The following PXDNL variants were observed in gnomAD, a reference collection of about 807,000 sequenced individuals.
The protein encoded by PXDNL is peroxidasin like.
Under a neutral mutation model 150.8 loss-of-function variants are expected in PXDNL, and 145 were observed. The ratio of observed to expected loss-of-function variants is 0.96; its 90% CI spans 0.84 to 1.10. The LOEUF is 1.10. Among genes scored for constraint, PXDNL ranks in the 50% least tolerant of loss-of-function variants. The pLI is 0.00. For missense variants in PXDNL, 2,087 were observed against 1,873.9 expected, an observed-to-expected ratio of 1.11 and a Z score of -2.10; for synonymous variants, 757 against 725.7, an observed-to-expected ratio of 1.04 and a Z score of -0.69.
At chr8:51,741,430 C>T (rs557161852) in intron 1 of PXDNL, among the ~76,000 whole-genome samples, 1 of 8,374 alleles carries the variant, frequency 1.2e-4, no homozygotes, top group Admixed American at 2.6e-3. Context: ...ATGTAATGTC[C>T]TTCTTTGTCT....
chr8:51,377,377 G>A (rs538014491), intron 17 of PXDNL, among the ~76,000 whole-genome samples: 28 of 152,180 alleles, frequency 1.8e-4, no homozygotes, highest in East Asian at 5.8e-4. Context: ...ACTCGCTGTC[G>A]CGGCCTCCTC....
At chr8:51,473,759 A>C (rs1291930067) in intron 7 of PXDNL, among the ~76,000 whole-genome samples, 8 of 152,054 alleles carry the variant, frequency 5.3e-5, no homozygotes, top group Non-Finnish European at 8.8e-5. Flanking sequence ...AAAAAAAAAA[A>C]AAAACAGTAA....
chr8:51,397,103 T>C (rs1808106534), intron 17 of PXDNL, among the ~76,000 whole-genome samples: 1 of 152,328 alleles, frequency 6.6e-6, no homozygotes, highest in Admixed American at 6.5e-5. Context: ...TGGGCAGATA[T>C]ATAAAAAGTT....
intron 14 of PXDNL, among the ~76,000 whole-genome samples, chr8:51,423,075 T>A (rs913843184): frequency 6.6e-6 from 1 of 152,270 alleles, no homozygotes; most frequent in East Asian, 1.9e-4. Context: ...GGTGATAGAA[T>A]GTAAAAAGCT....
At chr8:51,473,274 AACACACACACACACACAC>A (rs1164131411) in intron 7 of PXDNL, among the ~76,000 whole-genome samples, 16 of 134,026 alleles carry the variant, frequency 1.2e-4, no homozygotes, top group African/African-American at 4.3e-4. Context: ...GTAGAAAATA[AACACACACACACACACAC>A]ACACACACAC....
chr8:51,674,476 A>G lies in PXDNL; in HGVS notation c.165-19716T>C, dbSNP rs79192691. On this transcript the variant is annotated intron_variant, in intron 1 of 22. Transcript: ENST00000356297. Reference sequence around the variant, plus strand: ...ACTTCTTGCAGATTGCTTCCTTCAGATAACCTTGGACTCAGGAGTTTTGTA... The same window carrying G: ...ACTTCTTGCAGATTGCTTCCTTCAGGTAACCTTGGACTCAGGAGTTTTGTA... Among the ~76,000 whole-genome samples, 24 of 152,404 alleles carry G rather than the reference A, an allele frequency of 1.6e-4. No homozygotes were observed. In the East Asian group the frequency reaches 4.0e-3, roughly 26 times the overall value.
chr8:51,407,062 A>G (rs1808455474), intron 17 of PXDNL, among the ~76,000 whole-genome samples: 1 of 152,226 alleles, frequency 6.6e-6, no homozygotes, highest in Non-Finnish European at 1.5e-5. Flanking sequence ...GTATCCTGAG[A>G]TTGAAAACTG....
chr8:51,658,035 T>A (rs1172297285), intron 1 of PXDNL, among the ~76,000 whole-genome samples: 2 of 152,122 alleles, frequency 1.3e-5, no homozygotes, highest in Non-Finnish European at 2.9e-5. Context: ...GGACTCACTC[T>A]CTTCCTGAGA....
chr8:51,554,855 T>C (rs1157223661), intron 4 of PXDNL, among the ~76,000 whole-genome samples: 1 of 152,212 alleles, frequency 6.6e-6, no homozygotes, highest in African/African-American at 2.4e-5. Context: ...ACACTTTCCC[T>C]ACAGCTCTCC....
At chr8:51,559,330 A>ACCCCCCCC (rs59230172) in intron 3 of PXDNL, among the ~76,000 whole-genome samples, 24 of 98,144 alleles carry the variant, frequency 2.4e-4, no homozygotes, top group East Asian at 2.0e-3. Flanking sequence ...TTTCTTCCAA[A>ACCCCCCCC]CCCCCCCCCC....
At chr8:51,543,569 G>A (rs373474161) in intron 4 of PXDNL, among the ~76,000 whole-genome samples, 19 of 151,904 alleles carry the variant, frequency 1.3e-4, no homozygotes, top group African/African-American at 4.1e-4. Context: ...AAAATTTGCC[G>A]GGCATGGTGG....
At chr8:51,632,273 T>A (rs1814506788) in intron 2 of PXDNL, among the ~76,000 whole-genome samples, 1 of 152,174 alleles carries the variant, frequency 6.6e-6, no homozygotes, top group Non-Finnish European at 1.5e-5. Context: ...TGAAAAGCAC[T>A]GTAAATCAAC....
intron 2 of PXDNL, among the ~76,000 whole-genome samples, chr8:51,628,253 G>A (rs1563488105): frequency 6.6e-6 from 1 of 152,062 alleles, no homozygotes; most frequent in South Asian, 2.1e-4. Flanking sequence ...AGACAGAGTT[G>A]TAAATGGTCT....
chr8:51,457,578 C>A lies in PXDNL; in HGVS notation c.902G>T (p.Gly301Val), dbSNP rs769879921. ...MIRNTRESDQ[G>V]VYQCMARNSA... ...ATTTCTGGCCATGCACTGATAGACA[C>A]CTTGGTCTGACTCTCTGGTGTTTCG... is the stretch of plus-strand genomic sequence containing the variant. Residue 301 changes from glycine (G) to valine (V), a missense_variant, in exon 9 of 23, where the codon GGT (glycine) becomes GTT (valine). Gly to Val is a moderately radical substitution (Grantham distance 109). Coordinates refer to ENST00000356297, the MANE Select transcript of PXDNL (RefSeq NM_144651.5). 6.2e-7 allele frequency: 1 copy of A among 1,613,878 alleles called. No homozygotes were observed. Among genetic ancestry groups the A allele is most frequent in the Admixed American group, 1.7e-5 (1 of 60,016 alleles).
intron 4 of PXDNL, among the ~76,000 whole-genome samples, chr8:51,511,623 A>G (rs1457819156): frequency 6.6e-6 from 1 of 152,184 alleles, no homozygotes; most frequent in African/African-American, 2.4e-5. Flanking sequence ...ACCAGTTGCA[A>G]GGAGGGGGCT....
intron 1 of PXDNL, among the ~76,000 whole-genome samples, chr8:51,699,627 C>G (rs548514073): frequency 6.6e-6 from 1 of 152,354 alleles, no homozygotes; most frequent in Admixed American, 6.5e-5. Context: ...AGAGGCCTAG[C>G]TTTCAGCCTA....
chr8:51,381,579 G>C (rs1258658720), intron 17 of PXDNL, among the ~76,000 whole-genome samples: 1 of 152,026 alleles, frequency 6.6e-6, no homozygotes, highest in Non-Finnish European at 1.5e-5. Context: ...ATCAAGTTAA[G>C]ATTAGGTCAT....
chr8:51,339,293 C>A (rs1438367920), intron 21 of PXDNL, among the ~76,000 whole-genome samples: 1 of 152,178 alleles, frequency 6.6e-6, no homozygotes, highest in Non-Finnish European at 1.5e-5. Context: ...AACCCCATCT[C>A]TACTAAAAAT....
intron 17 of PXDNL, among the ~76,000 whole-genome samples, chr8:51,392,584 G>A (rs935138415): frequency 3.9e-5 from 6 of 152,172 alleles, no homozygotes; most frequent in Non-Finnish European, 5.9e-5. Flanking sequence ...TTTGTACATT[G>A]ATTTTGTATC....
Sources: gnomAD v4.1 joint callset for allele counts (sites outside exome capture counted in the v4.1 genomes callset) on GRCh38, gnomAD v4.1.1 for gene constraint, MANE v1.5 for transcripts, NCBI Gene and HGNC (gene_info 2026-07-23, HGNC 2026-07-21) for gene names.